UNC13B: variants seen among roughly 807,000 people sequenced by gnomAD.
UNC13B encodes the protein protein unc-13 homolog B.
In UNC13B, 144 loss-of-function variants were observed where a neutral mutation model predicts 211.0. The ratio of observed to expected loss-of-function variants is 0.68; its 90% CI spans 0.60 to 0.78. The LOEUF (loss-of-function observed/expected upper bound fraction) is 0.78. UNC13B is among the 30% of genes least tolerant of loss of function. UNC13B has a pLI of 0.00. For missense variants in UNC13B, 1,777 were observed against 2,002.0 expected, an observed-to-expected ratio of 0.89 and a Z score of 2.14; for synonymous variants, 709 against 725.8, an observed-to-expected ratio of 0.98 and a Z score of 0.37.
At chr9:35,359,627 A>G (rs1833260482) in intron 11 of UNC13B, among the ~76,000 whole-genome samples, 1 of 152,142 alleles carries the variant, frequency 6.6e-6, no homozygotes, top group Non-Finnish European at 1.5e-5. Flanking sequence ...TCTTGCAGCT[A>G]TTCAGGCCCA....
chr9:35,334,114 C>T (rs1056510440), intron 11 of UNC13B, among the ~76,000 whole-genome samples: 1 of 152,006 alleles, frequency 6.6e-6, no homozygotes, highest in African/African-American at 2.4e-5. Flanking sequence ...TACAGGTGCC[C>T]ACCACCATAA....
intron 1 of UNC13B, among the ~76,000 whole-genome samples, chr9:35,182,711 A>G (rs1822009277): frequency 6.6e-6 from 1 of 152,152 alleles, no homozygotes; most frequent in Non-Finnish European, 1.5e-5. Flanking sequence ...CTGTTTAACA[A>G]AGCACATCTT....
intron 7 of UNC13B, among the ~76,000 whole-genome samples, chr9:35,278,620 T>A (rs1045284316): frequency 5.9e-5 from 9 of 151,868 alleles, no homozygotes; most frequent in African/African-American, 2.2e-4. Flanking sequence ...TTTTTTTTTT[T>A]GTCTGAGCCT....
chr9:35,301,007 G>C lies in UNC13B; in HGVS notation c.1603G>C (p.Ala535Pro), dbSNP rs1829653774. ...CCCTGAGTTGACTGGAGTACAATGT[G>C]CTGTTGGTTCTTTGTTTAGTTCACT... ...SFPELTGVQC[A>P]VGSLFSSLTE... is the part of the protein sequence containing the mutation. Residue 535 changes from alanine (A) to proline (P), a missense_variant, in exon 9 of 40, where the codon GCT (alanine) becomes CCT (proline). Transcript: ENST00000635942. The C allele has an allele frequency of 2.5e-6, 1 of 398,862 alleles. No homozygotes were observed. The highest frequency in any genetic ancestry group is 4.4e-5 in the Admixed American group (1 of 22,710). The allele number at this position is 398,862 out of a possible 1,614,324, so 24.7% of individuals were successfully genotyped here.
chr9:35,263,317 A>G (rs1827384216), intron 7 of UNC13B, among the ~76,000 whole-genome samples: 1 of 149,124 alleles, frequency 6.7e-6, no homozygotes, highest in Admixed American at 6.8e-5. Flanking sequence ...GCTTTGAATA[A>G]TAGGAACATT....
At chr9:35,295,970 C>T (rs1829338283) in intron 8 of UNC13B, 40 bp downstream of exon 8, 2 of 1,540,192 alleles carry the variant, frequency 1.3e-6, no homozygotes, top group African/African-American at 1.4e-5. Context: ...TCCTAATATC[C>T]AGGTCTCATG....
At chr9:35,188,012 A>G (rs764825880) in intron 1 of UNC13B, among the ~76,000 whole-genome samples, 4 of 152,370 alleles carry the variant, frequency 2.6e-5, no homozygotes, top group Middle Eastern at 6.8e-3. Flanking sequence ...ATTAAAGGCC[A>G]TAAGTAGTTC....
intron 1 of UNC13B, among the ~76,000 whole-genome samples, chr9:35,183,282 G>A: frequency 7.5e-6 from 1 of 132,832 alleles, no homozygotes; most frequent in Non-Finnish European, 1.6e-5. Flanking sequence ...CCCAGGCGGG[G>A]TGGCCGGGCA....
chr9:35,336,946 G>T lies in UNC13B; in HGVS notation c.9414+22957G>T, dbSNP rs77685869. Among the ~76,000 whole-genome samples the T allele has an allele frequency of 2.1e-3, 314 of 152,154 alleles. 2 individuals are homozygous for T. Among genetic ancestry groups the T allele is most frequent in the African/African-American group, 6.5e-3 (269 of 41,508 alleles). On this transcript the variant is annotated intron_variant, in intron 11 of 39. Coordinates refer to ENST00000635942, the MANE Select transcript of UNC13B (RefSeq NM_001371189.2). ...TACTCTCTGATGGCACTCTACATAG[G>T]GCCATCTGGAAACAGAAAGGATGAG...
intron 11 of UNC13B, among the ~76,000 whole-genome samples, chr9:35,334,328 T>G (rs1831535771): frequency 6.6e-6 from 1 of 152,222 alleles, no homozygotes; most frequent in Non-Finnish European, 1.5e-5. Flanking sequence ...TTAAAAAATA[T>G]GGGCCCAGGG....
In UNC13B at chr9:35,336,148, A is replaced by G. The variant is rs1323013449; in HGVS notation, c.9414+22159A>G. Reference sequence around the variant, plus strand: ...TGTAACTGATAAATCCCAAATTACTATCTCTACCTCAGTCCTCTTTCATGA... The same window carrying G: ...TGTAACTGATAAATCCCAAATTACTGTCTCTACCTCAGTCCTCTTTCATGA... On this transcript the variant is annotated intron_variant, in intron 11 of 39. Coordinates refer to ENST00000635942, the MANE Select transcript of UNC13B (RefSeq NM_001371189.2). Among the ~76,000 whole-genome samples, 5 of 152,160 alleles carry G rather than the reference A, an allele frequency of 3.3e-5. No homozygotes were observed. In the East Asian group the frequency reaches 7.8e-4, roughly 24 times the overall value.
chr9:35,190,282 C>A (rs1297934136), intron 1 of UNC13B, among the ~76,000 whole-genome samples: 1 of 152,118 alleles, frequency 6.6e-6, no homozygotes, highest in Non-Finnish European at 1.5e-5. Flanking sequence ...GTTTCCATAT[C>A]TTATAGGTGG....
chr9:35,177,495 T>C (rs933560573), intron 1 of UNC13B, among the ~76,000 whole-genome samples: 6 of 152,198 alleles, frequency 3.9e-5, no homozygotes, highest in African/African-American at 1.4e-4. Context: ...AAAATGGAAG[T>C]GTTAACATCT....
Position 35,204,169 on chromosome 9 carries a change from G to T in UNC13B, c.23-23846G>T, listed in dbSNP as rs866883014. On this transcript the variant is annotated intron_variant, in intron 1 of 39. Coordinates refer to ENST00000635942, the MANE Select transcript of UNC13B (RefSeq NM_001371189.2). ...TGTAAGCCTTGGTGGTTTACACTTG[G>T]TGTTAAGCCTGTGGATGCACAGAGT... Among the ~76,000 whole-genome samples the T allele has an allele frequency of 3.9e-5, 6 of 152,370 alleles. No individual in the cohort carries two copies. The East Asian group carries it at 7.7e-4, about 20-fold the overall frequency.
At chr9:35,328,579 C>T (rs1186655278) in intron 11 of UNC13B, among the ~76,000 whole-genome samples, 1 of 151,922 alleles carries the variant, frequency 6.6e-6, no homozygotes, top group East Asian at 1.9e-4. Context: ...GAGTGCCTGG[C>T]TTCTGGTTCT....
At chr9:35,165,395 G>A (rs1000097612) in intron 1 of UNC13B, among the ~76,000 whole-genome samples, 25 of 151,638 alleles carry the variant, frequency 1.6e-4, no homozygotes, top group Admixed American at 9.2e-4. Flanking sequence ...ACCATTCAGC[G>A]GGTGATTGAC....
intron 1 of UNC13B, among the ~76,000 whole-genome samples, chr9:35,169,267 T>C (rs1056248369): frequency 1.3e-5 from 2 of 152,134 alleles, no homozygotes; most frequent in Non-Finnish European, 2.9e-5. Context: ...GGCAGGAGGA[T>C]GGCTTGAGTC....
chr9:35,228,290 A>G (rs1824973357), intron 2 of UNC13B, among the ~76,000 whole-genome samples: 1 of 152,162 alleles, frequency 6.6e-6, no homozygotes, highest in Non-Finnish European at 1.5e-5. Flanking sequence ...TTTTCTCAGA[A>G]AAAAGTCTGA....
chr9:35,182,590 T>C (rs2131303387), intron 1 of UNC13B, among the ~76,000 whole-genome samples: 1 of 152,274 alleles, frequency 6.6e-6, no homozygotes, highest in African/African-American at 2.4e-5. Context: ...AACAAAGGTC[T>C]CTGGTTTTCC....
Sources: allele counts gnomAD v4.1 joint callset (sites outside exome capture counted in the v4.1 genomes callset), GRCh38; gene constraint gnomAD v4.1.1; transcripts MANE v1.5; gene names NCBI Gene and HGNC (gene_info 2026-07-23, HGNC 2026-07-21).